Variants in ZBTB20 observed in about 807,000 individuals in gnomAD.
ZBTB20 encodes zinc finger and BTB domain-containing protein 20.
Under a neutral mutation model 56.9 loss-of-function variants are expected in ZBTB20, and 9 were observed. That is an observed-to-expected ratio of 0.16 (90% CI 0.10 to 0.28). The LOEUF is 0.28. Among genes scored for constraint, ZBTB20 ranks in the 10% least tolerant of loss-of-function variants. ZBTB20 has a pLI of 1.00. For missense variants in ZBTB20, 655 were observed against 1,003.0 expected (o/e 0.65, Z 4.69); for synonymous variants, 417 against 420.7 (o/e 0.99, Z 0.11).
chr3:114,595,301 T>C (rs1267845584), intron 6 of ZBTB20, among the ~76,000 whole-genome samples: 1 of 152,230 alleles, frequency 6.6e-6, no homozygotes, highest in Non-Finnish European at 1.5e-5. Flanking sequence ...TACAAAAGGC[T>C]GGCTCATAAT....
chr3:114,718,905 A>C (rs2108483424), intron 5 of ZBTB20, among the ~76,000 whole-genome samples: 1 of 152,048 alleles, frequency 6.6e-6, no homozygotes. Context: ...TTAATTATAC[A>C]CATATGTATT....
chr3:114,519,855 A>T (rs2046433872), intron 6 of ZBTB20: 1 of 152,110 alleles, frequency 6.6e-6, no homozygotes, highest in Admixed American at 6.6e-5. Flanking sequence ...AAACTACATA[A>T]ACTGTTCACT....
intron 4 of ZBTB20, among the ~76,000 whole-genome samples, chr3:114,892,281 C>T (rs2076843547): frequency 6.6e-6 from 1 of 152,278 alleles, no homozygotes; most frequent in Admixed American, 6.5e-5. Context: ...GTTTGTTATA[C>T]ATTAACTGCT....
intron 2 of ZBTB20, among the ~76,000 whole-genome samples, chr3:115,008,996 A>G (rs1327819126): frequency 1.3e-5 from 2 of 151,906 alleles, no homozygotes; most frequent in Non-Finnish European, 2.9e-5. Flanking sequence ...AAGGAAACTT[A>G]GTATGTGTGT....
At chr3:114,380,521 C>T (rs1253444946) in intron 9 of ZBTB20, 117 bp from the exon 10 acceptor site, 2 of 1,265,642 alleles carry the variant, frequency 1.6e-6, no homozygotes, top group African/African-American at 3.0e-5. Context: ...GGGAGGGAGT[C>T]CAGTATGTCC....
chr3:114,350,283 C>T lies in ZBTB20; in HGVS notation c.1795G>A (p.Val599Ile), dbSNP rs1331926530. 1.2e-6 allele frequency: 2 copies of T among 1,602,656 alleles called. No homozygotes were observed. Among genetic ancestry groups the T allele is most frequent in the Non-Finnish European group, 1.7e-6 (2 of 1,171,764 alleles). The change falls in exon 11 of 12, where the codon GTA (valine) becomes ATA (isoleucine). Residue 599 changes from valine to isoleucine, a missense_variant. Around this residue, in one of 10 missense-constraint regions of ZBTB20, gnomAD observed 10 missense variants for 98.5 expected, o/e 0.10. Coordinates refer to ENST00000675478, the MANE Select transcript of ZBTB20 (RefSeq NM_001348800.3). ...GTGGGGTGACACTCACCTGTGTGTA[C>T]GAACATGTGCTTGACGTAGTTCTGT... ...AKQNYVKHMF[V>I]HTGEKPHQCS...
chr3:115,044,194 C>T (rs182595442), intron 2 of ZBTB20, among the ~76,000 whole-genome samples: 2 of 152,100 alleles, frequency 1.3e-5, no homozygotes, highest in Non-Finnish European at 2.9e-5. Flanking sequence ...TATAGCAATA[C>T]AAGAATGGCC....
chr3:114,740,154 A>G (rs2066469706), intron 5 of ZBTB20, among the ~76,000 whole-genome samples: 1 of 152,216 alleles, frequency 6.6e-6, no homozygotes, highest in Non-Finnish European at 1.5e-5. Context: ...TAATATAGAC[A>G]TGAGAAATAA....
At chr3:114,463,425 AG>A (rs1448918276) in intron 7 of ZBTB20, among the ~76,000 whole-genome samples, 1 of 152,158 alleles carries the variant, frequency 6.6e-6, no homozygotes, top group African/African-American at 2.4e-5. Flanking sequence ...AATTTCCTTT[AG>A]GTCCCTATAG....
intron 5 of ZBTB20, among the ~76,000 whole-genome samples, chr3:114,781,699 G>C (rs1420171712): frequency 6.6e-6 from 1 of 152,152 alleles, no homozygotes; most frequent in Non-Finnish European, 1.5e-5. Flanking sequence ...TTGAATTGTA[G>C]CTCCCATAAT....
chr3:114,671,607 T>A (rs56364717), intron 6 of ZBTB20, among the ~76,000 whole-genome samples: 2 of 151,992 alleles, frequency 1.3e-5, no homozygotes, highest in African/African-American at 4.8e-5. Flanking sequence ...TTTTTTTTTT[T>A]ACCTCACTGT....
In ZBTB20 at chr3:115,084,572, T is replaced by A. The variant is rs578034341; in HGVS notation, c.-702-13158A>T. ...TGGAAAAATATGAGATTTGTTTTTT[T>A]AAAAGATTAATTTATATTAACATCT... On this transcript the variant is annotated intron_variant, in intron 1 of 11. Coordinates refer to ENST00000675478, the MANE Select transcript of ZBTB20 (RefSeq NM_001348800.3). 1.3e-3 allele frequency among the ~76,000 whole-genome samples: 198 copies of A among 152,090 alleles called. 1 individual carries two copies. Among genetic ancestry groups the A allele is most frequent in the African/African-American group, 4.6e-3 (190 of 41,552 alleles).
intron 6 of ZBTB20, among the ~76,000 whole-genome samples, chr3:114,581,217 T>C (rs534522912): frequency 6.6e-6 from 1 of 152,042 alleles, no homozygotes; most frequent in Admixed American, 6.5e-5. Flanking sequence ...GGGTTATCCA[T>C]ATGGAAAAAG....
At position 114,396,706 on chromosome 3, in the gene ZBTB20, C is replaced by T. The variant is rs72950643; in HGVS notation, c.-254-7601G>A. 8.5e-3 allele frequency among the ~76,000 whole-genome samples: 1,289 copies of T among 152,274 alleles called. 17 individuals carry two copies. The highest frequency in any genetic ancestry group is 0.03 in the African/African-American group (1,230 of 41,568). On this transcript the variant is annotated intron_variant, in intron 7 of 11. Transcript: ENST00000675478. ...TCCACTCCTCTTCATTTGTGATCCC[C>T]ACCATTGGCTTAGGCTAGATTCTTC...
At chr3:114,756,213 T>A (rs1369468717) in intron 5 of ZBTB20, among the ~76,000 whole-genome samples, 1 of 152,158 alleles carries the variant, frequency 6.6e-6, no homozygotes, top group African/African-American at 2.4e-5. Context: ...TTACATCGCA[T>A]GTACTCAAAA....
intron 5 of ZBTB20, among the ~76,000 whole-genome samples, chr3:114,721,775 T>A (rs1450994046): frequency 1.3e-5 from 2 of 152,206 alleles, no homozygotes; most frequent in Non-Finnish European, 2.9e-5. Context: ...ATTTGATGAC[T>A]GACTACATAT....
intron 7 of ZBTB20, among the ~76,000 whole-genome samples, chr3:114,480,015 C>T (rs1031911940): frequency 6.6e-6 from 1 of 152,200 alleles, no homozygotes; most frequent in Non-Finnish European, 1.5e-5. Flanking sequence ...TGGATCACTG[C>T]TTAAGTAGCC....
chr3:114,867,524 C>A (rs141590701), intron 4 of ZBTB20, among the ~76,000 whole-genome samples: 1 of 152,170 alleles, frequency 6.6e-6, no homozygotes, highest in East Asian at 1.9e-4. Flanking sequence ...CAACCTCCAC[C>A]TCCCAGATTC....
chr3:115,073,099 G>A (rs886737711), intron 1 of ZBTB20, among the ~76,000 whole-genome samples: 12 of 152,152 alleles, frequency 7.9e-5, no homozygotes, highest in Admixed American at 2.0e-4. Flanking sequence ...AAACTGAAAT[G>A]AGAACTGGAA....
Sources: gnomAD v4.1 joint callset for allele counts (sites outside exome capture counted in the v4.1 genomes callset) on GRCh38, gnomAD v4.1.1 for gene constraint, gnomAD v4.1.1 regional missense constraint, MANE v1.5 for transcripts, NCBI Gene and HGNC (gene_info 2026-07-23, HGNC 2026-07-21) for gene names.